ACSF3: variants seen among roughly 807,000 people sequenced by gnomAD.
ACSF3 encodes malonate--CoA ligase ACSF3, mitochondrial.
Under a neutral mutation model 53.2 loss-of-function variants are expected in ACSF3, and 78 were observed. That is an observed-to-expected ratio of 1.47 (90% CI 1.22 to 1.77). ACSF3 has a LOEUF of 1.77. Ranked by LOEUF, ACSF3 falls within the 40% of genes most tolerant of loss-of-function variation. The pLI, the probability that ACSF3 is intolerant of heterozygous loss-of-function variation, is 0.00. For missense variants in ACSF3, 937 were observed against 771.1 expected (o/e 1.22, Z -2.55); for synonymous variants, 414 against 333.1 (o/e 1.24, Z -2.65).
chr16:89,114,522 A>T (rs747772688), intron 6 of ACSF3, 35 bp downstream of exon 6: 5 of 1,607,034 alleles, frequency 3.1e-6, no homozygotes, highest in Non-Finnish European at 4.2e-6. Flanking sequence ...TTCCTCTTCC[A>T]CTGTGCTCTG....
At chr16:89,137,877 C>A (rs1910953652) in intron 8 of ACSF3, among the ~76,000 whole-genome samples, 1 of 152,208 alleles carries the variant, frequency 6.6e-6, no homozygotes, top group African/African-American at 2.4e-5. Context: ...TTACTTGTCA[C>A]CCTGTCTGAG....
intron 7 of ACSF3, among the ~76,000 whole-genome samples, chr16:89,124,285 A>AG (rs1201594576): frequency 1.3e-5 from 2 of 152,250 alleles, no homozygotes; most frequent in East Asian, 1.9e-4. Flanking sequence ...TCATAGGACG[A>AG]GGGGGCGCGT....
At chr16:89,141,007 G>T in intron 8 of ACSF3, 1 of 1,207,874 alleles carries the variant, frequency 8.3e-7, no homozygotes, top group Non-Finnish European at 1.1e-6. Context: ...GATGCATTTT[G>T]ATAAATAGGT....
At chr16:89,096,043 A>G (rs1390920583) in intron 1 of ACSF3, among the ~76,000 whole-genome samples, 1 of 152,074 alleles carries the variant, frequency 6.6e-6, no homozygotes, top group Non-Finnish European at 1.5e-5. Flanking sequence ...TGGCTAGAAC[A>G]CCGAGAGGTC....
intron 1 of ACSF3, chr16:89,095,092 C>G (rs565284612): frequency 1.3e-5 from 2 of 152,262 alleles, no homozygotes; most frequent in African/African-American, 4.8e-5. Context: ...GGAGGGGGTT[C>G]ACATGGTGGA....
chr16:89,130,104 C>T (rs1908971382), intron 7 of ACSF3, among the ~76,000 whole-genome samples: 1 of 152,196 alleles, frequency 6.6e-6, no homozygotes, highest in African/African-American at 2.4e-5. Flanking sequence ...CCTTCTGATA[C>T]CAGTTTCTTT....
At chr16:89,125,207 G>A (rs1055595063) in intron 7 of ACSF3, among the ~76,000 whole-genome samples, 2 of 152,154 alleles carry the variant, frequency 1.3e-5, no homozygotes, top group Admixed American at 1.3e-4. Flanking sequence ...GCCAGGCATG[G>A]TAGTGGGTGC....
rs1475846730 is a variant in ACSF3, at chr16:89,137,376, T to C, written c.1366+4114T>C. ...ACCACCAGGAGCTCACGGGGAAGGATTGAGGGGAAGAGCCCCAGGTCCCGG... is the reference window on the plus strand; with the variant it reads ...ACCACCAGGAGCTCACGGGGAAGGACTGAGGGGAAGAGCCCCAGGTCCCGG... On this transcript the variant is annotated intron_variant, in intron 8 of 10. Coordinates refer to ENST00000614302, the MANE Select transcript of ACSF3 (RefSeq NM_001243279.3). Among the ~76,000 whole-genome samples the C allele has an allele frequency of 5.1e-3, 552 of 108,594 alleles. 7 individuals are homozygous for C. Among genetic ancestry groups the C allele is most frequent in the Non-Finnish European group, 7.7e-3 (415 of 54,012 alleles). 71.2% of individuals were successfully genotyped at this position (108,594 alleles called of 152,430 possible).
chr16:89,114,644 C>A, intron 6 of ACSF3, 157 bp downstream of exon 6: 1 of 1,053,630 alleles, frequency 9.5e-7, no homozygotes, highest in Non-Finnish European at 1.4e-6. Context: ...TCAGGATGCA[C>A]TGCGACCTGT....
chr16:89,110,702 G>A (rs190911166), intron 4 of ACSF3, among the ~76,000 whole-genome samples: 8 of 152,300 alleles, frequency 5.3e-5, no homozygotes, highest in African/African-American at 9.6e-5. Flanking sequence ...AAAGCTTGCC[G>A]GAATTTTGGG....
chr16:89,101,343 C>T lies in ACSF3; in HGVS notation c.662C>T (p.Ala221Val), dbSNP rs1975311723. 2 of 1,583,780 alleles carry T rather than the reference C, an allele frequency of 1.3e-6. No individual in the cohort carries two copies. Among genetic ancestry groups the T allele is most frequent in the Non-Finnish European group, 1.7e-6 (2 of 1,165,686 alleles). ...GVLSTHQNIR[A>V]VVTGLVHKWA... ...CTGAGCACGCACCAAAACATCAGGG[C>T]TGTGGTGAGTGCCGCCTGGCGCCGT... The change falls in exon 3 of 11, where the codon GCT becomes GTT. Residue 221 changes from alanine (A) to valine (V), a missense_variant. Transcript: ENST00000614302.
In ACSF3 at chr16:89,154,381, G is replaced by C; in HGVS notation, c.*174G>C. On this transcript the variant is annotated 3_prime_UTR_variant, in exon 11 of 11. Coordinates refer to ENST00000614302, the MANE Select transcript of ACSF3 (RefSeq NM_001243279.3). The stretch of plus-strand genomic sequence containing the variant: ...ATCACCATGTGGGGTCCCCAGCCTC[G>C]GGCCAGTTGTTGCAGCTCAAGGAGA... 1.4e-6 allele frequency: 1 copy of C among 716,290 alleles called. No individual in the cohort carries two copies. 44.4% of individuals were successfully genotyped at this position (716,290 alleles called of 1,614,324 possible). A position where few individuals can be genotyped will look rare whatever the true frequency, so the allele number is the denominator to read the frequency against.
intron 8 of ACSF3, among the ~76,000 whole-genome samples, chr16:89,139,594 T>C (rs1323777925): frequency 1.1e-4 from 11 of 96,760 alleles, no homozygotes. Flanking sequence ...TTTTTCTGTT[T>C]TTTTTTTTTT....
rs188271985 is a variant in ACSF3 at position 89,151,179 on chromosome 16, G to A, written c.1614-2911G>A. The A allele has an allele frequency of 6.8e-5, 37 of 541,510 alleles. No individual in the cohort carries two copies. In the Middle Eastern group the frequency reaches 2.2e-3, roughly 32 times the overall value. 33.5% of individuals were successfully genotyped at this position (541,510 alleles called of 1,614,324 possible). On this transcript the variant is annotated intron_variant, in intron 10 of 10. Coordinates refer to ENST00000614302, the MANE Select transcript of ACSF3 (RefSeq NM_001243279.3). ...TGAAGTCAGCAGTTCAGATGAAACA[G>A]ATAACTCCCTTAAAAGACACAAATT...
rs1260229774 is a variant in ACSF3 at position 89,155,157 on chromosome 16, A to T, written c.*950A>T. ...GCCAATTCAGATGCACAGGGGCCAC[A>T]TGCAGAATCCAGAAGTTTCTGGACA... On this transcript the variant is annotated 3_prime_UTR_variant, in exon 11 of 11. Coordinates refer to ENST00000614302, the MANE Select transcript of ACSF3 (RefSeq NM_001243279.3). 2.2e-6 allele frequency: 1 copy of T among 454,188 alleles called. No homozygotes were observed. Among genetic ancestry groups the T allele is most frequent in the Admixed American group, 2.3e-5 (1 of 42,582 alleles). 28.1% of individuals were successfully genotyped at this position (454,188 alleles called of 1,614,324 possible).
intron 8 of ACSF3, 40 bp downstream of exon 8, chr16:89,133,302 G>C: frequency 6.2e-7 from 1 of 1,612,822 alleles, no homozygotes; most frequent in Non-Finnish European, 8.5e-7. Context: ...GACCCCGAGG[G>C]GACAGGCAGG....
intron 4 of ACSF3, among the ~76,000 whole-genome samples, chr16:89,106,196 G>T (rs925957009): frequency 2.5e-4 from 38 of 152,278 alleles, no homozygotes; most frequent in African/African-American, 7.9e-4. Context: ...AATGGACACG[G>T]GAAAGCCTCA....
chr16:89,148,644 G>C (rs775912455), intron 10 of ACSF3: 1 of 152,284 alleles, frequency 6.6e-6, no homozygotes, highest in Non-Finnish European at 1.5e-5. Context: ...TCTTCTCACA[G>C]CTGCAGTAGC....
intron 7 of ACSF3, among the ~76,000 whole-genome samples, chr16:89,123,453 G>A (rs1283744428): frequency 1.3e-5 from 2 of 152,180 alleles, no homozygotes; most frequent in Non-Finnish European, 2.9e-5. Context: ...ACCCGAGGGT[G>A]CCCCTCACTA....
Sources: gnomAD v4.1 joint callset for allele counts (sites outside exome capture counted in the v4.1 genomes callset) on GRCh38, gnomAD v4.1.1 for gene constraint, MANE v1.5 for transcripts, NCBI Gene and HGNC (gene_info 2026-07-23, HGNC 2026-07-21) for gene names.